Variants in CRACDL observed in about 807,000 individuals in gnomAD.
CRACDL encodes CRACD-like protein.
In CRACDL, 26 loss-of-function variants were observed where a neutral mutation model predicts 70.6. The observed-to-expected ratio is 0.37, with a 90% confidence interval of 0.27 to 0.51. CRACDL has a LOEUF of 0.51. Ranked by LOEUF, CRACDL falls within the 20% of genes least tolerant of loss-of-function variation. The probability of loss-of-function intolerance (pLI) is 0.94; values close to 1 mark genes in which losing one functional copy is unlikely to be tolerated. For missense variants in CRACDL, 1,283 were observed against 1,376.9 expected (o/e 0.93, Z 1.08); for synonymous variants, 618 against 615.2 (o/e 1.00, Z -0.07).
At chr2:98,839,603 C>T (rs1705933101) in intron 2 of CRACDL, among the ~76,000 whole-genome samples, 1 of 152,230 alleles carries the variant, frequency 6.6e-6, no homozygotes. Flanking sequence ...TCAAGCATAA[C>T]TGCTGTACAC....
intron 1 of CRACDL, among the ~76,000 whole-genome samples, chr2:98,917,148 C>T (rs1292886240): frequency 6.6e-6 from 1 of 152,180 alleles, no homozygotes; most frequent in African/African-American, 2.4e-5. Context: ...TCCCTCATTC[C>T]CTTGTGACTA....
rs182540448 is a variant in CRACDL at position 98,898,467 on chromosome 2, G to A, written c.-11+37471C>T. On this transcript the variant is annotated intron_variant, in intron 1 of 9. Transcript: ENST00000397899. ...GGCCAGGGTGACCAGCCAGCTCTTC[G>A]CATCACAGTCAGGTAGGGCACACCT... 2.8e-4 allele frequency among the ~76,000 whole-genome samples: 42 copies of A among 152,352 alleles called. 1 individual carries two copies. The East Asian group carries it at 6.2e-3, about 22-fold the overall frequency.
At chr2:98,813,495 A>G (rs1364001296) in intron 7 of CRACDL, among the ~76,000 whole-genome samples, 1 of 152,196 alleles carries the variant, frequency 6.6e-6, no homozygotes, top group Non-Finnish European at 1.5e-5. Flanking sequence ...CATCACAACC[A>G]AATGGTCCTG....
chr2:98,808,824 G>A (rs1245069309), intron 7 of CRACDL, among the ~76,000 whole-genome samples: 1 of 152,226 alleles, frequency 6.6e-6, no homozygotes, highest in Non-Finnish European at 1.5e-5. Flanking sequence ...AAGGTTAATG[G>A]CTGCCGTGGA....
intron 1 of CRACDL, among the ~76,000 whole-genome samples, chr2:98,879,504 A>G (rs1434832407): frequency 6.6e-6 from 1 of 152,186 alleles, no homozygotes; most frequent in Non-Finnish European, 1.5e-5. Context: ...GGCTCATTAT[A>G]TGAGACACCT....
chr2:98,842,813 G>A (rs1338760984), intron 2 of CRACDL, among the ~76,000 whole-genome samples: 3 of 152,008 alleles, frequency 2.0e-5, no homozygotes, highest in Non-Finnish European at 4.4e-5. Flanking sequence ...TCAACCTGCT[G>A]AAAGACATCT....
chr2:98,853,018 GAAGGGAAGGGA>G (rs1226823323), intron 1 of CRACDL, among the ~76,000 whole-genome samples: 2 of 109,348 alleles, frequency 1.8e-5, no homozygotes, highest in African/African-American at 3.5e-5. Context: ...GAGGGGAGGG[GAAGGGAAGGGA>G]AAGGGAAGGG....
At chr2:98,907,381 C>A (rs897815619) in intron 1 of CRACDL, among the ~76,000 whole-genome samples, 3 of 152,176 alleles carry the variant, frequency 2.0e-5, no homozygotes, top group Non-Finnish European at 4.4e-5. Context: ...CTTAGCTCAC[C>A]ATCCTCCCCA....
intron 3 of CRACDL, among the ~76,000 whole-genome samples, chr2:98,836,801 C>G (rs1450266906): frequency 6.6e-6 from 1 of 152,144 alleles, no homozygotes; most frequent in Non-Finnish European, 1.5e-5. Context: ...AATGCATGCA[C>G]GCCGGGCGCC....
In CRACDL at chr2:98,822,151, T is replaced by A. The variant is rs1483044186; in HGVS notation, c.2122A>T (p.Arg708Trp). 2 of 1,606,126 alleles carry A rather than the reference T, an allele frequency of 1.2e-6. No individual in the cohort carries two copies. Among genetic ancestry groups the A allele is most frequent in the African/African-American group, 2.7e-5 (2 of 74,894 alleles). ...GASQEVKGVK[R>W]YSAEVRLERS... The stretch of plus-strand genomic sequence containing the variant: ...TCTAACCGGACCTCGGCACTGTACC[T>A]CTTCACACCCTTCACCTCCTGAGAG... The change falls in exon 7 of 10, where the codon AGG becomes TGG. Residue 708 changes from arginine (R) to tryptophan (W), a missense_variant. By Grantham distance (101) the Arg-to-Trp change is moderately radical. Transcript: ENST00000397899. The surrounding 1 kb of genome is among the most constrained non-coding windows in gnomAD (Gnocchi z 4.9).
chr2:98,867,305 T>C (rs1707185394), intron 1 of CRACDL, among the ~76,000 whole-genome samples: 2 of 152,210 alleles, frequency 1.3e-5, no homozygotes, highest in Non-Finnish European at 2.9e-5. Context: ...TTAACTAACT[T>C]AGCTAGGCAT....
At chr2:98,814,662 T>C (rs1438556548) in intron 7 of CRACDL, among the ~76,000 whole-genome samples, 2 of 152,150 alleles carry the variant, frequency 1.3e-5, no homozygotes, top group Admixed American at 6.5e-5. Context: ...GTTCTATAAA[T>C]ATCAATTAGG....
chr2:98,865,346 G>A (rs1343694443), intron 1 of CRACDL, among the ~76,000 whole-genome samples: 2 of 152,132 alleles, frequency 1.3e-5, no homozygotes, highest in East Asian at 3.9e-4. Flanking sequence ...GACCTCCCGC[G>A]ACATACTATG....
chr2:98,828,348 T>C (rs1705399605), intron 5 of CRACDL, among the ~76,000 whole-genome samples: 2 of 152,324 alleles, frequency 1.3e-5, no homozygotes, highest in South Asian at 2.1e-4. Context: ...CGGTGTGCAA[T>C]ATTAGTGTCA....
intron 1 of CRACDL, among the ~76,000 whole-genome samples, chr2:98,873,313 G>A (rs1707400082): frequency 1.3e-5 from 2 of 152,244 alleles, no homozygotes; most frequent in South Asian, 2.1e-4. Context: ...ACAGAGGCAG[G>A]AAGAGAAGCT....
At chr2:98,874,715 G>C (rs1313472166) in intron 1 of CRACDL, among the ~76,000 whole-genome samples, 1 of 152,164 alleles carries the variant, frequency 6.6e-6, no homozygotes, top group East Asian at 1.9e-4. Context: ...TTCTGGTCTT[G>C]GGCCAGCCCA....
chr2:98,928,184 AAAAT>A (rs932263918), intron 1 of CRACDL, among the ~76,000 whole-genome samples: 68 of 152,062 alleles, frequency 4.5e-4, no homozygotes, highest in African/African-American at 1.6e-3. Context: ...GACTCTCAAA[AAAAT>A]AAATAAATAA....
intron 1 of CRACDL, among the ~76,000 whole-genome samples, chr2:98,930,621 C>T (rs1573215570): frequency 1.3e-5 from 2 of 152,118 alleles, no homozygotes; most frequent in African/African-American, 4.8e-5. Flanking sequence ...TGTCACCTAC[C>T]CCTCTTCCGT....
intron 6 of CRACDL, among the ~76,000 whole-genome samples, chr2:98,826,528 C>T (rs901883564): frequency 2.6e-5 from 4 of 152,166 alleles, no homozygotes; most frequent in African/African-American, 9.7e-5. Flanking sequence ...GGGGGACTCT[C>T]AGGCCCCAAG....
Sources: gnomAD v4.1 joint callset for allele counts (sites outside exome capture counted in the v4.1 genomes callset) on GRCh38, gnomAD v4.1.1 for gene constraint, Gnocchi (gnomAD v3.1) non-coding constraint, MANE v1.5 for transcripts, NCBI Gene and HGNC (gene_info 2026-07-23, HGNC 2026-07-21) for gene names.